Variants in DOCK1 observed in about 807,000 individuals in gnomAD.
DOCK1 encodes the protein dedicator of cytokinesis 1, also known as dedicator of cytokinesis protein 1.
DOCK1 carries 138 observed loss-of-function variants against 262.7 expected under a neutral mutation model. The ratio of observed to expected loss-of-function variants is 0.53; its 90% CI spans 0.46 to 0.61. The LOEUF is 0.61. DOCK1 is among the 20% of genes least tolerant of loss of function. The pLI, the probability that DOCK1 is intolerant of heterozygous loss-of-function variation, is 0.00. For missense variants in DOCK1, 1,908 were observed against 2,370.7 expected, an observed-to-expected ratio of 0.80 and a Z score of 4.05; for synonymous variants, 866 against 867.4, an observed-to-expected ratio of 1.00 and a Z score of 0.03.
At chr10:127,060,719 A>G (rs530019862) in intron 22 of DOCK1, among the ~76,000 whole-genome samples, 20 of 152,322 alleles carry the variant, frequency 1.3e-4, no homozygotes, top group African/African-American at 4.3e-4. Context: ...CATGTAACCA[A>G]TGCACAACTT....
chr10:126,963,411 C>T (rs2037377003), intron 1 of DOCK1, among the ~76,000 whole-genome samples: 1 of 152,116 alleles, frequency 6.6e-6, no homozygotes, highest in African/African-American at 2.4e-5. Flanking sequence ...TCTGTACCTC[C>T]TTAAGATTAT....
intron 32 of DOCK1, among the ~76,000 whole-genome samples, chr10:127,361,659 C>T (rs2064458691): frequency 6.6e-6 from 1 of 152,144 alleles, no homozygotes; most frequent in Non-Finnish European, 1.5e-5. Flanking sequence ...TTTGTCGGCT[C>T]CTGTTCCTGT....
At chr10:127,397,112 G>A (rs1157741256) in intron 38 of DOCK1, among the ~76,000 whole-genome samples, 1 of 146,326 alleles carries the variant, frequency 6.8e-6, no homozygotes, top group Non-Finnish European at 1.5e-5. Flanking sequence ...AGTTACACGG[G>A]CGGTGTCTCC....
At chr10:126,937,398 G>GA (rs1428798281) in intron 1 of DOCK1, among the ~76,000 whole-genome samples, 358 of 152,204 alleles carry the variant, frequency 2.4e-3, no homozygotes, top group Non-Finnish European at 4.1e-3. Context: ...TTAGTTTTTT[G>GA]AGGGACTGCT....
At chr10:127,160,725 T>C (rs1021129035) in intron 27 of DOCK1, among the ~76,000 whole-genome samples, 3 of 152,212 alleles carry the variant, frequency 2.0e-5, no homozygotes, top group Non-Finnish European at 4.4e-5. Flanking sequence ...GAGATGGTGG[T>C]TGTTGCAGAT....
chr10:127,355,648 C>A (rs747282463), intron 32 of DOCK1, among the ~76,000 whole-genome samples: 3 of 152,196 alleles, frequency 2.0e-5, no homozygotes, highest in African/African-American at 4.8e-5. Flanking sequence ...CTCAGAGAAT[C>A]TTTTCCTACT....
Position 127,139,715 on chromosome 10 carries a change from G to A in DOCK1, c.2847+11951G>A, listed in dbSNP as rs576863223. Reference sequence around the variant, plus strand: ...TCCACCTGATGCTGGTTTGGGAGTCGGGGGCTCCTTAAACTTCAATTCTTT... The same window carrying A: ...TCCACCTGATGCTGGTTTGGGAGTCAGGGGCTCCTTAAACTTCAATTCTTT... On this transcript the variant is annotated intron_variant, in intron 27 of 51. Coordinates refer to ENST00000623213, the MANE Select transcript of DOCK1 (RefSeq NM_001290223.2). Among the ~76,000 whole-genome samples, 180 of 152,212 alleles carry A rather than the reference G, an allele frequency of 1.2e-3. 1 individual carries two copies. Among genetic ancestry groups the A allele is most frequent in the African/African-American group, 4.2e-3 (173 of 41,524 alleles).
intron 23 of DOCK1, among the ~76,000 whole-genome samples, chr10:127,064,223 C>G (rs1196261525): frequency 6.6e-6 from 1 of 152,168 alleles, no homozygotes; most frequent in Non-Finnish European, 1.5e-5. Context: ...ATTCTCCTGC[C>G]TCATCCTCCC....
In DOCK1 at chr10:126,960,939, G is replaced by A. The variant is rs975387553; in HGVS notation, c.47-9763G>A. Among the ~76,000 whole-genome samples the A allele has an allele frequency of 5.3e-3, 807 of 151,020 alleles. 8 individuals are homozygous for A. The highest frequency in any genetic ancestry group is 8.0e-3 in the Non-Finnish European group (544 of 67,854). On this transcript the variant is annotated intron_variant, in intron 1 of 51. Transcript: ENST00000623213. Reference sequence around the variant, plus strand: ...AAGGCATACAGAGATATTTTATTCCGAAGAAAGATATTAAAATGTCTTTTA... The same window carrying A: ...AAGGCATACAGAGATATTTTATTCCAAAGAAAGATATTAAAATGTCTTTTA...
chr10:127,076,635 TC>T (rs1340468820), intron 23 of DOCK1, among the ~76,000 whole-genome samples: 1 of 152,122 alleles, frequency 6.6e-6, no homozygotes, highest in African/African-American at 2.4e-5. Flanking sequence ...TGCAGCTGCA[TC>T]CCCCACCCCA....
intron 38 of DOCK1, among the ~76,000 whole-genome samples, chr10:127,397,908 CATGG>C (rs1224429229): frequency 3.4e-4 from 52 of 152,118 alleles, no homozygotes; most frequent in Non-Finnish European, 5.4e-4. Context: ...TGACATGGGT[CATGG>C]CTCCTGGATG....
chr10:127,342,898 A>G (rs557594799), intron 30 of DOCK1, among the ~76,000 whole-genome samples: 154 of 152,314 alleles, frequency 1.0e-3, no homozygotes, highest in African/African-American at 3.5e-3. Context: ...AGAGTCCTAA[A>G]TTATGGAAAT....
rs1328746905 is a variant in DOCK1, at chr10:127,032,112, A to G, written c.1729-25A>G. ...TGTTGCTGTTTGTGAATTGCCTTTG[A>G]CATACGGCATGACTAAATCCACAGG... On this transcript the variant is annotated intron_variant, in intron 17 of 51. Coordinates refer to ENST00000623213, the MANE Select transcript of DOCK1 (RefSeq NM_001290223.2). 4.5e-6 allele frequency: 7 copies of G among 1,569,586 alleles called. No homozygotes were observed. In the African/African-American group the frequency reaches 9.5e-5, roughly 21 times the overall value.
intron 10 of DOCK1, among the ~76,000 whole-genome samples, chr10:127,005,638 T>G (rs1157613273): frequency 2.6e-5 from 4 of 152,194 alleles, no homozygotes; most frequent in Admixed American, 6.5e-5. Context: ...GATAGAAAAT[T>G]GTAAAAATAA....
At chr10:127,415,404 C>T (rs765413277) in intron 44 of DOCK1, among the ~76,000 whole-genome samples, 166 bp downstream of exon 44, 1 of 152,184 alleles carries the variant, frequency 6.6e-6, no homozygotes, top group Non-Finnish European at 1.5e-5. Flanking sequence ...ATCGATATCT[C>T]CTCGCCTAGC....
intron 1 of DOCK1, among the ~76,000 whole-genome samples, chr10:126,949,379 G>C (rs1447227790): frequency 2.0e-5 from 3 of 152,068 alleles, no homozygotes; most frequent in Admixed American, 1.3e-4. Flanking sequence ...GCAGGATTTC[G>C]GCTCCCACGT....
chr10:127,286,455 T>C (rs1426637281), intron 29 of DOCK1, among the ~76,000 whole-genome samples: 3 of 152,306 alleles, frequency 2.0e-5, no homozygotes, highest in Middle Eastern at 3.4e-3. Flanking sequence ...CTTTTTATTA[T>C]CAAAACTTTC....
intron 4 of DOCK1, among the ~76,000 whole-genome samples, chr10:126,986,979 G>C (rs1001479128): frequency 4.6e-5 from 7 of 152,174 alleles, no homozygotes; most frequent in Non-Finnish European, 8.8e-5. Flanking sequence ...AGGATACAGA[G>C]TTTAATCAGA....
Position 127,020,866 on chromosome 10 carries a change from G to A in DOCK1, c.1327+2031G>A, listed in dbSNP as rs557901830. ...TTTGTCACTGTCTGCAGGGATGCGC[G>A]TCTTCTTTGGACAGCGCAGAGCCTG... On this transcript the variant is annotated intron_variant, in intron 13 of 51. Coordinates refer to ENST00000623213, the MANE Select transcript of DOCK1 (RefSeq NM_001290223.2). 3.3e-5 allele frequency among the ~76,000 whole-genome samples: 5 copies of A among 152,268 alleles called. 1 individual carries two copies. Among genetic ancestry groups the A allele is most frequent in the East Asian group, 1.9e-4 (1 of 5,164 alleles).
Sources: gnomAD v4.1 joint callset for allele counts (sites outside exome capture counted in the v4.1 genomes callset) on GRCh38, gnomAD v4.1.1 for gene constraint, MANE v1.5 for transcripts, NCBI Gene and HGNC (gene_info 2026-07-23, HGNC 2026-07-21) for gene names.